PKNOX2: variants seen among roughly 807,000 people sequenced by gnomAD.
PKNOX2 encodes PBX/knotted 1 homeobox 2.
Under a neutral mutation model 53.1 loss-of-function variants are expected in PKNOX2, and 14 were observed. The ratio of observed to expected loss-of-function variants is 0.26; its 90% CI spans 0.17 to 0.41. The LOEUF is 0.41. Ranked by LOEUF, PKNOX2 falls within the 10% of genes least tolerant of loss-of-function variation. PKNOX2 has a pLI of 1.00. For synonymous variants in PKNOX2, 257 were observed against 242.8 expected (o/e 1.06, Z -0.54); for missense variants, 496 against 602.8 (o/e 0.82, Z 1.85).
intron 2 of PKNOX2, among the ~76,000 whole-genome samples, chr11:125,239,177 C>T (rs1306996550): frequency 6.6e-6 from 1 of 152,232 alleles, no homozygotes; most frequent in African/African-American, 2.4e-5. Flanking sequence ...CTGTACTCTC[C>T]ATAAAAGTTC....
At position 125,370,485 on chromosome 11, in the gene PKNOX2, C is replaced by T. The variant is rs59208867; in HGVS notation, c.227+2500C>T. Among the ~76,000 whole-genome samples the T allele has an allele frequency of 8.8e-3, 1,348 of 152,336 alleles. 28 individuals carry two copies. The highest frequency in any genetic ancestry group is 0.031 in the African/African-American group (1,280 of 41,574). On this transcript the variant is annotated intron_variant, in intron 5 of 12. Coordinates refer to ENST00000298282, the MANE Select transcript of PKNOX2 (RefSeq NM_001382323.2). The surrounding 1 kb of genome is among the most constrained non-coding windows in gnomAD (Gnocchi z 4.1). ...CCTCCTGGGCTTTATCTTCTCCCAC[C>T]GGGCTAACCACCCGCAACCCTTGGT...
At chr11:125,212,462 T>G (rs928571764) in intron 1 of PKNOX2, among the ~76,000 whole-genome samples, 7 of 149,378 alleles carry the variant, frequency 4.7e-5, no homozygotes, top group Non-Finnish European at 8.9e-5. Context: ...TTTTTTTTTT[T>G]TTTTTTTTTT....
intron 10 of PKNOX2, among the ~76,000 whole-genome samples, chr11:125,425,112 G>A (rs774936108): frequency 6.6e-6 from 1 of 152,136 alleles, no homozygotes; most frequent in African/African-American, 2.4e-5. Context: ...TGAGTCAATG[G>A]AGCACACAGG....
intron 5 of PKNOX2, among the ~76,000 whole-genome samples, chr11:125,376,189 T>C (rs936923509): frequency 6.6e-6 from 1 of 152,198 alleles, no homozygotes; most frequent in African/African-American, 2.4e-5. Flanking sequence ...TCCACCCACC[T>C]GGGGGAGGAG....
chr11:125,261,807 C>G (rs905076359), intron 2 of PKNOX2, among the ~76,000 whole-genome samples: 1 of 152,186 alleles, frequency 6.6e-6, no homozygotes, highest in Non-Finnish European at 1.5e-5. Context: ...TTAACTGGCC[C>G]GAGACACCAA....
intron 5 of PKNOX2, among the ~76,000 whole-genome samples, chr11:125,368,303 C>T (rs974562630): frequency 4.6e-5 from 7 of 152,204 alleles, no homozygotes; most frequent in South Asian, 4.1e-4. Context: ...ACCCTTTCCT[C>T]GCCCTGTGTC....
chr11:125,322,122 C>T (rs1276282385), intron 2 of PKNOX2, among the ~76,000 whole-genome samples: 1 of 152,024 alleles, frequency 6.6e-6, no homozygotes, highest in Non-Finnish European at 1.5e-5. Flanking sequence ...ACCTGGCGTC[C>T]TTGAAGGAGA....
intron 6 of PKNOX2, among the ~76,000 whole-genome samples, chr11:125,397,500 A>G (rs1046034637): frequency 6.6e-6 from 1 of 152,228 alleles, no homozygotes; most frequent in Non-Finnish European, 1.5e-5. Flanking sequence ...TTAGCCACTA[A>G]GGCACAGAGA....
intron 6 of PKNOX2, among the ~76,000 whole-genome samples, chr11:125,395,529 ACT>A (rs777194548): frequency 6.6e-6 from 1 of 152,078 alleles, no homozygotes; most frequent in Non-Finnish European, 1.5e-5. Context: ...ACCATTTTAC[ACT>A]CTTAACAGCA....
chr11:125,292,313 A>C (rs541597157), intron 2 of PKNOX2, among the ~76,000 whole-genome samples: 4 of 152,192 alleles, frequency 2.6e-5, no homozygotes, highest in Admixed American at 6.5e-5. Flanking sequence ...TGCCCCTGAC[A>C]GCGATTATTT....
intron 7 of PKNOX2, 194 bp from the exon 8 acceptor site, chr11:125,410,001 GT>G (rs199866535): frequency 1.9e-5 from 13 of 699,682 alleles, no homozygotes; most frequent in Middle Eastern, 3.4e-4. Context: ...TTTTGTTTTT[GT>G]TTTTTTTAAT....
chr11:125,239,619 G>A (rs1942996509), intron 2 of PKNOX2: 1 of 152,222 alleles, frequency 6.6e-6, no homozygotes, highest in Non-Finnish European at 1.5e-5. Flanking sequence ...TCCGTAGATT[G>A]CATCTACAGA....
At chr11:125,300,864 G>A (rs1477385094) in intron 2 of PKNOX2, among the ~76,000 whole-genome samples, 2 of 152,212 alleles carry the variant, frequency 1.3e-5, no homozygotes, top group East Asian at 3.8e-4. Context: ...TACTTGGCAT[G>A]TTGCAGGCAT....
At chr11:125,343,648 T>A (rs572961194) in intron 3 of PKNOX2, among the ~76,000 whole-genome samples, 39 of 152,318 alleles carry the variant, frequency 2.6e-4, no homozygotes, top group Non-Finnish European at 4.1e-4. Context: ...TCAGGGGGAA[T>A]TAAATTGCTG....
intron 1 of PKNOX2, among the ~76,000 whole-genome samples, chr11:125,225,954 A>G (rs1247975249): frequency 1.3e-5 from 2 of 152,182 alleles, no homozygotes; most frequent in Non-Finnish European, 2.9e-5. Flanking sequence ...CCCAGGGATC[A>G]ACCTGTAGCC....
At chr11:125,372,860 C>T (rs1035806624) in intron 5 of PKNOX2, among the ~76,000 whole-genome samples, 14 of 152,248 alleles carry the variant, frequency 9.2e-5, no homozygotes, top group African/African-American at 3.4e-4. Context: ...CTTCTACCCA[C>T]ATGGGACCAC....
At chr11:125,378,217 A>C (rs73027811) in intron 5 of PKNOX2, among the ~76,000 whole-genome samples, 77 of 152,336 alleles carry the variant, frequency 5.1e-4, no homozygotes, top group Non-Finnish European at 8.7e-4. Context: ...GCTACTTGAC[A>C]ACCACTCACT....
intron 1 of PKNOX2, among the ~76,000 whole-genome samples, chr11:125,198,482 A>G (rs544555937): frequency 7.9e-5 from 12 of 152,302 alleles, no homozygotes; most frequent in Admixed American, 3.3e-4. Context: ...TTCTCCTTCG[A>G]TATCTTCATT....
intron 2 of PKNOX2, among the ~76,000 whole-genome samples, chr11:125,311,319 C>T (rs115067063): frequency 0.013 from 1,953 of 152,260 alleles, 33 homozygotes; most frequent in African/African-American, 0.034. Flanking sequence ...AAATCCAACC[C>T]CACCAATATT....
Sources: allele counts gnomAD v4.1 joint callset (sites outside exome capture counted in the v4.1 genomes callset), GRCh38; gene constraint gnomAD v4.1.1; non-coding constraint Gnocchi (gnomAD v3.1); transcripts MANE v1.5; gene names NCBI Gene and HGNC (gene_info 2026-07-23, HGNC 2026-07-21).